Variants in ZNF660 observed in about 807,000 individuals in gnomAD.
ZNF660 encodes the protein zinc finger protein 660.
A neutral mutation model predicts 23.2 loss-of-function variants in ZNF660; 24 were observed. The observed-to-expected ratio is 1.04, with a 90% CI of 0.75 to 1.46. The LOEUF (loss-of-function observed/expected upper bound fraction) is 1.46, where lower values mean the gene tolerates loss of function less well. ZNF660 is among the 40% of genes most tolerant of loss of function. The pLI, the probability that ZNF660 is intolerant of heterozygous loss-of-function variation, is 0.00. For missense variants in ZNF660, 373 were observed against 396.8 expected (o/e 0.94, Z 0.51); for synonymous variants, 117 against 131.4 (o/e 0.89, Z 0.75).
intron 2 of ZNF660, among the ~76,000 whole-genome samples, chr3:44,590,778 G>A (rs1169254368): frequency 6.6e-6 from 1 of 152,212 alleles, no homozygotes; most frequent in Non-Finnish European, 1.5e-5. Flanking sequence ...CTTTGAAGGT[G>A]AGTTCACTTG....
rs773380032 is a variant in ZNF660 at position 44,594,868 on chromosome 3, A to G, written c.675A>G (p.Lys225=). ...EKPYECDECG[K]TFILRKTLNE... is the part of the protein sequence containing the mutation. Reference sequence around the variant, plus strand: ...CTTATGAATGTGATGAGTGTGGAAAAACTTTCATCTTAAGGAAAACTCTTA... The same window carrying G: ...CTTATGAATGTGATGAGTGTGGAAAGACTTTCATCTTAAGGAAAACTCTTA... The change falls in exon 3 of 3, where the codon AAA becomes AAG. Residue 225 remains lysine, a synonymous_variant. Coordinates refer to ENST00000322734, the MANE Select transcript of ZNF660 (RefSeq NM_173658.4). 1.9e-6 allele frequency: 3 copies of G among 1,614,156 alleles called. No individual in the cohort carries two copies. The East Asian group carries it at 6.7e-5, about 36-fold the overall frequency.
At position 44,596,687 on chromosome 3, in the gene ZNF660, G is replaced by A. The variant is rs956856933; in HGVS notation, c.*1498G>A. 3.3e-5 allele frequency: 5 copies of A among 152,208 alleles called. No individual in the cohort carries two copies. The highest frequency in any genetic ancestry group is 2.6e-4 in the Admixed American group (4 of 15,288). 9.4% of individuals were successfully genotyped at this position (152,208 alleles called of 1,614,324 possible). A position where few individuals can be genotyped will look rare whatever the true frequency, so the allele number is the denominator to read the frequency against. ...TCATGGTGGCAAGACAGTGGCCACA[G>A]CTGCATCTTGCCTTCACACAACTCC... On this transcript the variant is annotated 3_prime_UTR_variant, in exon 3 of 3. Transcript: ENST00000322734.
Position 44,595,088 on chromosome 3 carries a change from G to A in ZNF660, c.895G>A (p.Glu299Lys). ...TCTACACTTGAGAACCCACACTAAG[G>A]AGAAACCCTATAAATGTAGTGAGTG... is the stretch of plus-strand genomic sequence containing the variant. ...VILHLRTHTK[E>K]KPYKCSECGK... The change falls in exon 3 of 3, where the codon GAG (glutamate) becomes AAG (lysine). Residue 299 changes from glutamate to lysine, a missense_variant. Transcript: ENST00000322734. 6 of 1,613,858 alleles carry A rather than the reference G, an allele frequency of 3.7e-6. No homozygotes were observed. The South Asian group carries it at 6.6e-5, about 18-fold the overall frequency.
intron 2 of ZNF660, chr3:44,586,770 T>G (rs920941071): frequency 9.9e-5 from 15 of 152,240 alleles, no homozygotes; most frequent in African/African-American, 3.6e-4. Flanking sequence ...TGTTAGAATC[T>G]TAAACTTGTT....
In ZNF660 at chr3:44,597,350, G is replaced by C. The variant is rs1245925062; in HGVS notation, c.*2161G>C. 6.6e-6 allele frequency: 1 copy of C among 152,128 alleles called. No homozygotes were observed. Among genetic ancestry groups the C allele is most frequent in the African/African-American group, 2.4e-5 (1 of 41,422 alleles). 9.4% of individuals were successfully genotyped at this position (152,128 alleles called of 1,614,324 possible). ...AGGGAAGATGTTATCAGTGTTCTGTGAATGGGGTTTATGGCCTATCTCTGT... is the reference window on the plus strand; with the variant it reads ...AGGGAAGATGTTATCAGTGTTCTGTCAATGGGGTTTATGGCCTATCTCTGT... On this transcript the variant is annotated 3_prime_UTR_variant, in exon 3 of 3. Coordinates refer to ENST00000322734, the MANE Select transcript of ZNF660 (RefSeq NM_173658.4). The surrounding 1 kb of genome is among the most constrained non-coding windows in gnomAD (Gnocchi z 4.1).
rs1161821066 is a variant in ZNF660, at chr3:44,594,338, C to T, written c.145C>T (p.Gln49Ter). ...TNERVQAEKR[Q>*]YVCTECGKAF... Reference sequence around the variant, plus strand: ...TGAGAGAGTTCAGGCTGAAAAGAGACAGTATGTATGTACTGAGTGTGGGAA... The same window carrying T: ...TGAGAGAGTTCAGGCTGAAAAGAGATAGTATGTATGTACTGAGTGTGGGAA... Residue 49 changes from glutamine to a stop codon, truncating the protein, a stop_gained, in exon 3 of 3, where the codon CAG (glutamine) becomes TAG (stop). Transcript: ENST00000322734. LOFTEE classifies it high-confidence loss of function. 1.9e-6 allele frequency: 3 copies of T among 1,614,048 alleles called. No individual in the cohort carries two copies. The highest frequency in any genetic ancestry group is 1.3e-5 in the African/African-American group (1 of 74,932).
chr3:44,589,133 C>A (rs1461680417), intron 2 of ZNF660, among the ~76,000 whole-genome samples: 4 of 152,184 alleles, frequency 2.6e-5, no homozygotes, highest in African/African-American at 4.8e-5. Flanking sequence ...ACGTGCCAGA[C>A]CCTCCAGTGT....
chr3:44,587,179 C>A (rs1163616079), intron 2 of ZNF660: 1 of 152,134 alleles, frequency 6.6e-6, no homozygotes, highest in Non-Finnish European at 1.5e-5. Context: ...TAACCAAGAA[C>A]CATGTAACCA....
At position 44,595,252 on chromosome 3, in the gene ZNF660, C is replaced by A; in HGVS notation, c.*63C>A. On this transcript the variant is annotated 3_prime_UTR_variant, in exon 3 of 3. Transcript: ENST00000322734. ...TTTCTAAAAAGTAGTTCTTTAGTAT[C>A]AACTTTAATTCTACTTCTAAGAATC... 3 of 1,474,874 alleles carry A rather than the reference C, an allele frequency of 2.0e-6. No individual in the cohort carries two copies. Among genetic ancestry groups the A allele is most frequent in the Non-Finnish European group, 2.7e-6 (3 of 1,105,164 alleles). The allele number at this position is 1,474,874 out of a possible 1,614,324, so 91.4% of individuals were successfully genotyped here. A position where few individuals can be genotyped will look rare whatever the true frequency, so the allele number is the denominator to read the frequency against.
chr3:44,586,871 C>T lies in ZNF660; in HGVS notation c.-181+658C>T, dbSNP rs186087880. Among the ~76,000 whole-genome samples, 5 of 152,296 alleles carry T rather than the reference C, an allele frequency of 3.3e-5. No homozygotes were observed. In the East Asian group the frequency reaches 9.7e-4, roughly 29 times the overall value. On this transcript the variant is annotated intron_variant, in intron 2 of 2. Transcript: ENST00000322734. ...CTACAGGCAAATCTCATGGGAACTGCTCTCTGAGGGCATAGAGCTTAATGT... is the reference window on the plus strand; with the variant it reads ...CTACAGGCAAATCTCATGGGAACTGTTCTCTGAGGGCATAGAGCTTAATGT...
At position 44,595,383 on chromosome 3, in the gene ZNF660, T is replaced by G. The variant is rs1415500681; in HGVS notation, c.*194T>G. 2.3e-5 allele frequency: 13 copies of G among 555,950 alleles called. No individual in the cohort carries two copies. 34.4% of individuals were successfully genotyped at this position (555,950 alleles called of 1,614,324 possible). ...AAAGAAGAAAACTAGATTTTCAACATTACAGGGTTGAAATGAATGATGAGC... is the reference window on the plus strand; with the variant it reads ...AAAGAAGAAAACTAGATTTTCAACAGTACAGGGTTGAAATGAATGATGAGC... On this transcript the variant is annotated 3_prime_UTR_variant, in exon 3 of 3. Coordinates refer to ENST00000322734, the MANE Select transcript of ZNF660 (RefSeq NM_173658.4).
intron 2 of ZNF660, among the ~76,000 whole-genome samples, chr3:44,591,835 A>G (rs1700438714): frequency 6.6e-6 from 1 of 152,228 alleles, no homozygotes; most frequent in Non-Finnish European, 1.5e-5. Flanking sequence ...TTTCTACTTA[A>G]AAAATACAAA....
intron 2 of ZNF660, among the ~76,000 whole-genome samples, chr3:44,589,491 C>T (rs1700343033): frequency 6.6e-6 from 1 of 152,140 alleles, no homozygotes; most frequent in African/African-American, 2.4e-5. Context: ...TTTTCCATTT[C>T]ATTAAGCTGA....
At chr3:44,588,811 T>C (rs1700319064) in intron 2 of ZNF660, among the ~76,000 whole-genome samples, 1 of 152,180 alleles carries the variant, frequency 6.6e-6, no homozygotes, top group Admixed American at 6.5e-5. Flanking sequence ...CTCTGTCCTC[T>C]CTGTCTTATC....
At chr3:44,591,857 C>T (rs891523495) in intron 2 of ZNF660, among the ~76,000 whole-genome samples, 1 of 152,092 alleles carries the variant, frequency 6.6e-6, no homozygotes, top group Non-Finnish European at 1.5e-5. Flanking sequence ...ACTAGCCAGG[C>T]GTGGTGGCAG....
intron 2 of ZNF660, among the ~76,000 whole-genome samples, chr3:44,589,342 T>G (rs1325534475): frequency 1.3e-5 from 2 of 152,224 alleles, no homozygotes; most frequent in African/African-American, 4.8e-5. Context: ...AATATGATGC[T>G]GGGATAGTAG....
rs748328668 is a variant in ZNF660, at chr3:44,594,859, G to A, written c.666G>A (p.Glu222=). ...HTGEKPYECD[E]CGKTFILRKT... is the part of the protein sequence containing the mutation. ...GAGAGAAGCCTTATGAATGTGATGA[G>A]TGTGGAAAAACTTTCATCTTAAGGA... Residue 222 remains glutamate, a synonymous_variant, in exon 3 of 3, where the codon GAG becomes GAA. Coordinates refer to ENST00000322734, the MANE Select transcript of ZNF660 (RefSeq NM_173658.4). The A allele has an allele frequency of 2.5e-6, 4 of 1,613,966 alleles. No individual in the cohort carries two copies. In the East Asian group the frequency reaches 8.9e-5, roughly 36 times the overall value.
chr3:44,589,296 C>T (rs529996066), intron 2 of ZNF660, among the ~76,000 whole-genome samples: 11 of 152,224 alleles, frequency 7.2e-5, no homozygotes, highest in African/African-American at 2.4e-4. Context: ...ATTGTCCAAA[C>T]GGGGATACTG....
At chr3:44,590,083 C>T (rs1359621319) in intron 2 of ZNF660, among the ~76,000 whole-genome samples, 1 of 151,266 alleles carries the variant, frequency 6.6e-6, no homozygotes, top group African/African-American at 2.4e-5. Flanking sequence ...CCTCCCTCCC[C>T]TAGTCCTCTT....
Sources: gnomAD v4.1 joint callset for allele counts (sites outside exome capture counted in the v4.1 genomes callset) on GRCh38, gnomAD v4.1.1 for gene constraint, Gnocchi (gnomAD v3.1) non-coding constraint, MANE v1.5 for transcripts, NCBI Gene and HGNC (gene_info 2026-07-23, HGNC 2026-07-21) for gene names.